The following STAB2 variants were observed in gnomAD, a reference collection of about 807,000 sequenced individuals.
STAB2 encodes the protein stabilin 2, also known as stabilin-2.
A neutral mutation model predicts 338.1 loss-of-function variants in STAB2; 288 were observed. The ratio of observed to expected loss-of-function variants is 0.85; its 90% confidence interval spans 0.77 to 0.94. The LOEUF (loss-of-function observed/expected upper bound fraction) is 0.94. STAB2 is among the 40% of genes least tolerant of loss of function. STAB2 has a pLI of 0.00. For synonymous variants in STAB2, 1,202 were observed against 1,193.3 expected, an observed-to-expected ratio of 1.01 and a Z score of -0.15; for missense variants, 3,141 against 3,210.1, an observed-to-expected ratio of 0.98 and a Z score of 0.52.
intron 26 of STAB2, among the ~76,000 whole-genome samples, chr12:103,683,568 G>A (rs995208291): frequency 2.6e-5 from 4 of 152,164 alleles, no homozygotes; most frequent in Admixed American, 6.5e-5. Context: ...GCACAAGTAA[G>A]TCCCAAATAT....
intron 44 of STAB2, among the ~76,000 whole-genome samples, chr12:103,718,917 C>A (rs949322487): frequency 3.3e-5 from 5 of 152,200 alleles, no homozygotes; most frequent in African/African-American, 1.2e-4. Flanking sequence ...TGGGCTTTGA[C>A]TTTCTTCCTC....
intron 42 of STAB2, among the ~76,000 whole-genome samples, chr12:103,715,087 A>G (rs1880196509): frequency 6.6e-6 from 1 of 152,180 alleles, no homozygotes; most frequent in African/African-American, 2.4e-5. Flanking sequence ...CATGGGAATA[A>G]TATCCTCCAC....
At chr12:103,594,203 T>G (rs1956841165) in intron 2 of STAB2, among the ~76,000 whole-genome samples, 192 bp from the exon 3 acceptor site, 1 of 152,236 alleles carries the variant, frequency 6.6e-6, no homozygotes, top group Admixed American at 6.5e-5. Flanking sequence ...TCTGATTTTT[T>G]CATCCAGTTC....
chr12:103,726,133 G>A lies in STAB2; in HGVS notation c.4821G>A (p.Pro1607=), dbSNP rs548309631. 2.5e-5 allele frequency: 41 copies of A among 1,613,832 alleles called. No homozygotes were observed. Among genetic ancestry groups the A allele is most frequent in the East Asian group, 4.5e-5 (2 of 44,866 alleles). The change falls in exon 46 of 69, where the codon CCG becomes CCA. Residue 1607 remains proline, a synonymous_variant. Transcript: ENST00000388887. ...GSIYQELPKN[P]KTSQYFFQLQ... ...GTTTGCAGGAGCTTCCCAAGAACCC[G>A]AAAACTTCCCAGTATTTCTTCCAGT...
chr12:103,752,354 C>T (rs999360785), intron 60 of STAB2, among the ~76,000 whole-genome samples: 4 of 152,204 alleles, frequency 2.6e-5, no homozygotes, highest in Non-Finnish European at 5.9e-5. Context: ...GATCATTTGA[C>T]TTACGCACTG....
chr12:103,612,022 T>C (rs1227502089), intron 3 of STAB2, among the ~76,000 whole-genome samples: 1 of 152,236 alleles, frequency 6.6e-6, no homozygotes, highest in Non-Finnish European at 1.5e-5. Flanking sequence ...TCCCCCACTC[T>C]CTTCTGGCTT....
chr12:103,668,839 G>C (rs747190479), intron 20 of STAB2, 110 bp downstream of exon 20: 65 of 921,470 alleles, frequency 7.1e-5, no homozygotes, highest in African/African-American at 3.4e-4. Context: ...CGTGCTTGCT[G>C]TTGTCTTCCT....
At chr12:103,730,367 C>G (rs1044224165) in intron 49 of STAB2, 111 bp downstream of exon 49, 15 of 1,243,058 alleles carry the variant, frequency 1.2e-5, no homozygotes, top group Non-Finnish European at 1.7e-5. Flanking sequence ...GCTTCAATCT[C>G]AAGCTATTAT....
chr12:103,715,300 T>C (rs922094794), intron 42 of STAB2, among the ~76,000 whole-genome samples: 1 of 151,718 alleles, frequency 6.6e-6, no homozygotes, highest in African/African-American at 2.4e-5. Context: ...ATGTTTCCAT[T>C]ATACAGTTAT....
At position 103,647,873 on chromosome 12, in the gene STAB2, G is replaced by T. The variant is rs1044748621; in HGVS notation, c.1041-817G>T. Among the ~76,000 whole-genome samples the T allele has an allele frequency of 3.3e-5, 5 of 152,226 alleles. No individual in the cohort carries two copies. In the East Asian group the frequency reaches 9.6e-4, roughly 29 times the overall value. ...TCATTGTTTACATATTTATTTCATA[G>T]TTTGTATATTTATTTTCATTGTTTA... On this transcript the variant is annotated intron_variant, in intron 9 of 68. Transcript: ENST00000388887.
intron 2 of STAB2, among the ~76,000 whole-genome samples, chr12:103,593,135 A>G (rs2138534307): frequency 6.6e-6 from 1 of 152,324 alleles, no homozygotes; most frequent in East Asian, 1.9e-4. Flanking sequence ...CATGAGAGTG[A>G]AGAGATCTCT....
chr12:103,683,150 A>T, intron 25 of STAB2, 55 bp from the exon 26 acceptor site: 1 of 1,500,574 alleles, frequency 6.7e-7, no homozygotes, highest in Non-Finnish European at 9.2e-7. Context: ...TGAGGGAAAG[A>T]CATGGAAGGC....
chr12:103,587,371 A>T lies in STAB2; in HGVS notation c.-106A>T. On this transcript the variant is annotated 5_prime_UTR_variant, in exon 1 of 69. Coordinates refer to ENST00000388887, the MANE Select transcript of STAB2 (RefSeq NM_017564.10). Reference sequence around the variant, plus strand: ...AAAGGAAAGGAAGGGATTTAAAAGTAAACAGTGAAATGAGAAAGAATTCAC... The same window carrying T: ...AAAGGAAAGGAAGGGATTTAAAAGTTAACAGTGAAATGAGAAAGAATTCAC... 4.3e-6 allele frequency: 4 copies of T among 921,898 alleles called. No individual in the cohort carries two copies. In the South Asian group the frequency reaches 4.8e-5, roughly 11 times the overall value. The allele number at this position is 921,898 out of a possible 1,614,324, so 57.1% of individuals were successfully genotyped here. A position where few individuals can be genotyped will look rare whatever the true frequency, so the allele number is the denominator to read the frequency against.
At chr12:103,760,697 T>C (rs2139238452) in intron 65 of STAB2, among the ~76,000 whole-genome samples, 1 of 152,320 alleles carries the variant, frequency 6.6e-6, no homozygotes, top group South Asian at 2.1e-4. Flanking sequence ...TTCTGAGACA[T>C]GCAGAGAGTA....
intron 33 of STAB2, among the ~76,000 whole-genome samples, chr12:103,697,469 A>G (rs1015201895): frequency 6.6e-6 from 1 of 152,238 alleles, no homozygotes; most frequent in South Asian, 2.1e-4. Context: ...CTGCCTTCCC[A>G]AAAAGTCCTA....
intron 3 of STAB2, among the ~76,000 whole-genome samples, chr12:103,609,204 T>C (rs1449666697): frequency 6.6e-6 from 1 of 152,230 alleles, no homozygotes; most frequent in African/African-American, 2.4e-5. Flanking sequence ...TTTAAAGTAG[T>C]TTTTTCCAAT....
intron 65 of STAB2, 139 bp downstream of exon 65, chr12:103,759,412 C>A (rs1566084567): frequency 2.4e-6 from 3 of 1,257,278 alleles, no homozygotes; most frequent in Admixed American, 2.7e-5. Context: ...GTGTTAACTG[C>A]CCACTACAGC....
At chr12:103,686,484 C>A (rs563351332) in intron 27 of STAB2, among the ~76,000 whole-genome samples, 1 of 152,302 alleles carries the variant, frequency 6.6e-6, no homozygotes, top group East Asian at 1.9e-4. Flanking sequence ...CTCCAGGTAT[C>A]TCCACACAGA....
In STAB2 at chr12:103,703,182, A is replaced by G. The variant is rs145412007; in HGVS notation, c.3749A>G (p.Asn1250Ser). The change falls in exon 35 of 69, where the codon AAT (asparagine) becomes AGT (serine). Residue 1250 changes from asparagine to serine, a missense_variant. Asn to Ser is a conservative substitution (Grantham distance 46). Transcript: ENST00000388887. ...AATGAGGCTCCAATAAACTACACCA[A>G]TGTAGCCACTGATAAGGGAGTGATC... ...YVNEAPINYT[N>S]VATDKGVIHG... The G allele has an allele frequency of 1.4e-5, 22 of 1,613,878 alleles. No homozygotes were observed. The highest frequency in any genetic ancestry group is 1.2e-4 in the African/African-American group (9 of 74,926).
Sources: gnomAD v4.1 joint callset for allele counts (sites outside exome capture counted in the v4.1 genomes callset) on GRCh38, gnomAD v4.1.1 for gene constraint, MANE v1.5 for transcripts, NCBI Gene and HGNC (gene_info 2026-07-23, HGNC 2026-07-21) for gene names.